Variants in PHF21B observed in about 807,000 individuals in gnomAD.
PHF21B encodes the protein PHD finger protein 21B, also known as PHD finger protein 4.
PHF21B carries 22 observed loss-of-function variants against 62.2 expected under a neutral mutation model. The observed-to-expected ratio is 0.35, with a 90% CI of 0.25 to 0.51. PHF21B has a LOEUF of 0.51. PHF21B is among the 20% of genes least tolerant of loss of function. PHF21B has a pLI of 0.97. For synonymous variants in PHF21B, 341 were observed against 314.7 expected, an observed-to-expected ratio of 1.08 and a Z score of -0.88; for missense variants, 701 against 707.9, an observed-to-expected ratio of 0.99 and a Z score of 0.11.
At chr22:44,941,731 C>G (rs141428888) in intron 2 of PHF21B, among the ~76,000 whole-genome samples, 1 of 152,104 alleles carries the variant, frequency 6.6e-6, no homozygotes, top group Non-Finnish European at 1.5e-5. Flanking sequence ...GGGGATACGG[C>G]GGCAGGGCCT....
intron 2 of PHF21B, among the ~76,000 whole-genome samples, chr22:44,934,848 C>A (rs1735507528): frequency 6.6e-6 from 1 of 152,226 alleles, no homozygotes; most frequent in Non-Finnish European, 1.5e-5. Flanking sequence ...CTTTCCTGGT[C>A]TGGCTGCTTA....
chr22:44,925,332 C>T (rs1207206533), intron 2 of PHF21B, among the ~76,000 whole-genome samples: 1 of 152,154 alleles, frequency 6.6e-6, no homozygotes, highest in African/African-American at 2.4e-5. Flanking sequence ...CCCCATTTCT[C>T]TCCTTATCTA....
intron 2 of PHF21B, among the ~76,000 whole-genome samples, chr22:44,977,921 G>A (rs146648201): frequency 6.6e-6 from 1 of 152,178 alleles, no homozygotes; most frequent in African/African-American, 2.4e-5. Flanking sequence ...GAAATCATAT[G>A]AAGTTTTCTT....
chr22:44,999,436 C>G (rs1284880545), intron 2 of PHF21B, among the ~76,000 whole-genome samples: 3 of 152,126 alleles, frequency 2.0e-5, no homozygotes, highest in African/African-American at 7.2e-5. Context: ...CCCGGCCAGC[C>G]ACACACTCCC....
intron 2 of PHF21B, among the ~76,000 whole-genome samples, chr22:45,006,333 C>T (rs564275732): frequency 3.5e-4 from 53 of 152,194 alleles, no homozygotes; most frequent in Admixed American, 7.9e-4. Context: ...TCTAAAAGGC[C>T]GGAGAAAAAA....
chr22:44,937,482 G>A (rs975608481), intron 2 of PHF21B, among the ~76,000 whole-genome samples: 1 of 152,222 alleles, frequency 6.6e-6, no homozygotes, highest in African/African-American at 2.4e-5. Flanking sequence ...CACTGCAGGA[G>A]TGGGAGGCAG....
Position 44,929,981 on chromosome 22 carries a change from G to A in PHF21B, c.121-9491C>T, listed in dbSNP as rs1271294727. On this transcript the variant is annotated intron_variant, in intron 2 of 12. Transcript: ENST00000313237. The stretch of plus-strand genomic sequence containing the variant: ...CCAGGCAAGCTGGGATCCACCCACT[G>A]TCACTAGGAGGGAAAAGAGGAACCA... Among the ~76,000 whole-genome samples, 3 of 152,206 alleles carry A rather than the reference G, an allele frequency of 2.0e-5. No individual in the cohort carries two copies. In the South Asian group the frequency reaches 6.2e-4, roughly 32 times the overall value.
Position 45,009,687 on chromosome 22 carries a change from A to C in PHF21B, c.-138T>G, listed in dbSNP as rs2147559076. Reference sequence around the variant, plus strand: ...GGGGGGGACACGAGCCCCCTCCCCCACGGCCGAAAGGGAAGGGGGCTGGCG... The same window carrying C: ...GGGGGGGACACGAGCCCCCTCCCCCCCGGCCGAAAGGGAAGGGGGCTGGCG... On this transcript the variant is annotated 5_prime_UTR_variant, in exon 1 of 13. Coordinates refer to ENST00000313237, the MANE Select transcript of PHF21B (RefSeq NM_138415.5). The surrounding 1 kb of genome is among the most constrained non-coding windows in gnomAD (Gnocchi z 5.9). 59 of 754,628 alleles carry C rather than the reference A, an allele frequency of 7.8e-5. No homozygotes were observed. The highest frequency in any genetic ancestry group is 2.2e-4 in the East Asian group (6 of 27,562). The allele number at this position is 754,628 out of a possible 1,614,324, so 46.7% of individuals were successfully genotyped here.
chr22:44,991,927 A>G (rs773765472), intron 2 of PHF21B, among the ~76,000 whole-genome samples: 11 of 152,230 alleles, frequency 7.2e-5, no homozygotes, highest in Non-Finnish European at 1.6e-4. Flanking sequence ...TGTGTAACCT[A>G]AGAAACAGCT....
chr22:44,910,228 C>A (rs933263729), intron 5 of PHF21B, among the ~76,000 whole-genome samples: 6 of 152,114 alleles, frequency 3.9e-5, no homozygotes, highest in Non-Finnish European at 7.3e-5. Context: ...AGAAACCACT[C>A]CTGGGGGCCA....
chr22:44,968,280 A>C (rs1601657594), intron 2 of PHF21B, among the ~76,000 whole-genome samples: 1 of 152,318 alleles, frequency 6.6e-6, no homozygotes, highest in East Asian at 1.9e-4. Flanking sequence ...TTGCATCAGC[A>C]GGGACTAAGA....
intron 6 of PHF21B, among the ~76,000 whole-genome samples, chr22:44,894,934 T>C (rs978910144): frequency 2.0e-5 from 3 of 152,188 alleles, no homozygotes; most frequent in Non-Finnish European, 4.4e-5. Context: ...TCCCCTCCCC[T>C]GGGCTTCGGT....
intron 2 of PHF21B, among the ~76,000 whole-genome samples, chr22:44,944,511 G>C (rs1301224981): frequency 6.6e-6 from 1 of 152,190 alleles, no homozygotes; most frequent in Non-Finnish European, 1.5e-5. Context: ...TTGTATTATT[G>C]CCTCGGTATT....
chr22:44,949,169 C>T (rs987713928), intron 2 of PHF21B, among the ~76,000 whole-genome samples: 1 of 151,734 alleles, frequency 6.6e-6, no homozygotes, highest in Admixed American at 6.6e-5. Flanking sequence ...GGTGTAGTGG[C>T]GCATGCCTGT....
At chr22:44,973,440 G>A (rs1342411556) in intron 2 of PHF21B, among the ~76,000 whole-genome samples, 2 of 152,226 alleles carry the variant, frequency 1.3e-5, no homozygotes, top group Non-Finnish European at 2.9e-5. Context: ...TAAAGAGACA[G>A]GCGGAGACAG....
In PHF21B at chr22:44,882,828, G is replaced by T. The variant is rs868817086; in HGVS notation, c.*258C>A. The T allele has an allele frequency of 4.3e-6, 2 of 461,728 alleles. No individual in the cohort carries two copies. The highest frequency in any genetic ancestry group is 2.0e-5 in the African/African-American group (1 of 49,766). The allele number at this position is 461,728 out of a possible 1,614,324, so 28.6% of individuals were successfully genotyped here. ...GCCCAGGCAGCCCCGAGGTGGCCGG[G>T]GGGAGACTGTGTGCCCCAGCCTGTC... On this transcript the variant is annotated 3_prime_UTR_variant, in exon 13 of 13. Coordinates refer to ENST00000313237, the MANE Select transcript of PHF21B (RefSeq NM_138415.5).
chr22:44,920,248 T>C (rs2071510314), intron 3 of PHF21B, 150 bp downstream of exon 3: 3 of 480,954 alleles, frequency 6.2e-6, no homozygotes, highest in South Asian at 9.0e-5. Flanking sequence ...GAAGAATGGA[T>C]AGAAGAGGTA....
At chr22:44,884,453 GGTGATGAGCACCA>G (rs2070812490) in intron 12 of PHF21B, among the ~76,000 whole-genome samples, 1 of 40,782 alleles carries the variant, frequency 2.5e-5, no homozygotes, top group Non-Finnish European at 6.1e-5. Context: ...CCACCATCAC[GGTGATGAGCACCA>G]TCACCACCAT....
chr22:44,902,369 T>C (rs2071175072), intron 5 of PHF21B: 1 of 347,428 alleles, frequency 2.9e-6, no homozygotes, highest in Admixed American at 3.1e-5. Flanking sequence ...GCTCCAGGGC[T>C]ACCTGAGATC....
Sources: gnomAD v4.1 joint callset for allele counts (sites outside exome capture counted in the v4.1 genomes callset) on GRCh38, gnomAD v4.1.1 for gene constraint, Gnocchi (gnomAD v3.1) non-coding constraint, MANE v1.5 for transcripts, NCBI Gene and HGNC (gene_info 2026-07-23, HGNC 2026-07-21) for gene names.